Variants in WDR93 observed in about 807,000 individuals in gnomAD.
The protein encoded by WDR93 is WD repeat domain 93.
Under a neutral mutation model 82.9 loss-of-function variants are expected in WDR93, and 73 were observed. The ratio of observed to expected loss-of-function variants is 0.88; its 90% CI spans 0.73 to 1.07. WDR93 has a LOEUF of 1.07. WDR93 is among the 50% of genes least tolerant of loss of function. WDR93 has a pLI of 0.00. For missense variants in WDR93, 738 were observed against 826.0 expected (o/e 0.89, Z 1.31); for synonymous variants, 283 against 300.1 (o/e 0.94, Z 0.59).
At chr15:89,727,066 G>C (rs539860937) in intron 8 of WDR93, 91 bp from the exon 9 acceptor site, 2 of 1,420,542 alleles carry the variant, frequency 1.4e-6, no homozygotes, top group South Asian at 2.6e-5. Context: ...GAGGGATTCT[G>C]CAGGAAGCTG....
chr15:89,701,957 T>C lies in WDR93; in HGVS notation c.211T>C (p.Ser71Pro), dbSNP rs1409459824. 5 of 1,613,954 alleles carry C rather than the reference T, an allele frequency of 3.1e-6. No homozygotes were observed. In the East Asian group the frequency reaches 6.7e-5, roughly 22 times the overall value. ...NKLVNLLFDQ[S>P]WEIIEERNAL... ...GCTGGTGAACCTTCTGTTTGACCAG[T>C]CTTGGGAAATTATTGAAGAGAGAAA... Residue 71 changes from serine to proline, a missense_variant, in exon 2 of 17, where the codon TCT (serine) becomes CCT (proline). Ser to Pro is a moderately conservative substitution (Grantham distance 74). Transcript: ENST00000268130.
intron 4 of WDR93, among the ~76,000 whole-genome samples, chr15:89,710,379 C>T (rs1242746024): frequency 6.6e-6 from 1 of 151,962 alleles, no homozygotes; most frequent in East Asian, 1.9e-4. Context: ...TAAGAACAGG[C>T]GAAATTTATC....
At chr15:89,697,274 T>C (rs1335729168) in intron 1 of WDR93, among the ~76,000 whole-genome samples, 1 of 152,194 alleles carries the variant, frequency 6.6e-6, no homozygotes, top group Non-Finnish European at 1.5e-5. Flanking sequence ...TTTTTTATTT[T>C]AGCCATTCTA....
chr15:89,738,638 A>G (rs939848452), intron 16 of WDR93, among the ~76,000 whole-genome samples: 1 of 151,592 alleles, frequency 6.6e-6, no homozygotes, highest in Non-Finnish European at 1.5e-5. Flanking sequence ...AAAAAAAAAA[A>G]AAAAAAAGAA....
intron 9 of WDR93, among the ~76,000 whole-genome samples, chr15:89,727,679 TAAA>T (rs1966791501): frequency 6.6e-6 from 1 of 152,224 alleles, no homozygotes; most frequent in African/African-American, 2.4e-5. Context: ...ATAATGGAGT[TAAA>T]AGAAGAAATA....
chr15:89,732,961 C>T, intron 12 of WDR93, 45 bp from the exon 13 acceptor site: 2 of 1,593,432 alleles, frequency 1.3e-6, no homozygotes, highest in Non-Finnish European at 1.7e-6. Context: ...ATGGCCTCCT[C>T]CCCTACCCCG....
intron 1 of WDR93, among the ~76,000 whole-genome samples, chr15:89,693,669 C>T (rs1483871552): frequency 6.6e-6 from 1 of 152,178 alleles, no homozygotes; most frequent in Admixed American, 6.6e-5. Context: ...AGGAGCAAGA[C>T]AAGATGGTGG....
intron 2 of WDR93, among the ~76,000 whole-genome samples, 186 bp downstream of exon 2, chr15:89,702,235 T>C (rs1013720803): frequency 6.6e-6 from 1 of 152,000 alleles, no homozygotes; most frequent in Non-Finnish European, 1.5e-5. Context: ...AAATATGGGG[T>C]GTTCTGGTTA....
intron 3 of WDR93, chr15:89,704,206 G>A (rs1347314604): frequency 2.0e-5 from 3 of 151,864 alleles, no homozygotes; most frequent in Non-Finnish European, 4.4e-5. Flanking sequence ...AGGCGTGGTG[G>A]GCACCCAGGT....
intron 8 of WDR93, 60 bp downstream of exon 8, chr15:89,722,199 C>A: frequency 7.9e-7 from 1 of 1,260,112 alleles, no homozygotes; most frequent in South Asian, 1.4e-5. Context: ...TTCTTCCTTT[C>A]CCCATGTCTT....
intron 1 of WDR93, among the ~76,000 whole-genome samples, chr15:89,695,081 A>G (rs11854381): frequency 0.44 from 66,391 of 151,794 alleles, 14,994 homozygotes; most frequent in African/African-American, 0.5. Flanking sequence ...GAATATTGTA[A>G]CTTTGTGATA....
At chr15:89,694,282 G>A (rs1188954470) in intron 1 of WDR93, among the ~76,000 whole-genome samples, 8 of 135,210 alleles carry the variant, frequency 5.9e-5, no homozygotes, top group South Asian at 2.3e-4. Context: ...ATGGAGTCTC[G>A]CTCTGTCGCC....
intron 16 of WDR93, among the ~76,000 whole-genome samples, chr15:89,739,621 G>C (rs1401069941): frequency 1.3e-5 from 2 of 152,142 alleles, no homozygotes; most frequent in Non-Finnish European, 2.9e-5. Flanking sequence ...GATTCCTTTT[G>C]GGATCTGACC....
At position 89,739,247 on chromosome 15, in the gene WDR93, G is replaced by A. The variant is rs571104852; in HGVS notation, c.1961+1011G>A. ...AATAAGGTTTTATTTGAACACAGCC[G>A]TGCCCATTTGTTTATGTATTATCTA... On this transcript the variant is annotated intron_variant, in intron 16 of 16. Coordinates refer to ENST00000268130, the MANE Select transcript of WDR93 (RefSeq NM_020212.2). Among the ~76,000 whole-genome samples, 40 of 152,174 alleles carry A rather than the reference G, an allele frequency of 2.6e-4. No homozygotes were observed. The East Asian group carries it at 3.3e-3, about 12-fold the overall frequency.
intron 7 of WDR93, among the ~76,000 whole-genome samples, chr15:89,719,951 C>T (rs926191107): frequency 4.5e-4 from 69 of 151,884 alleles, no homozygotes; most frequent in African/African-American, 1.6e-3. Context: ...AGGTGCCTGC[C>T]ACCACGCCTG....
At position 89,731,320 on chromosome 15, in the gene WDR93, C is replaced by T. The variant is rs896757737; in HGVS notation, c.1211-123C>T. 13 of 1,434,652 alleles carry T rather than the reference C, an allele frequency of 9.1e-6. No homozygotes were observed. The Admixed American group carries it at 9.7e-5, about 11-fold the overall frequency. The allele number at this position is 1,434,652 out of a possible 1,614,324, so 88.9% of individuals were successfully genotyped here. ...AGAGAAGGATGATGGTGAGTCCAGA[C>T]AGGTGCTCCTGGTTCCCATTCCCTG... On this transcript the variant is annotated intron_variant, in intron 11 of 16. Transcript: ENST00000268130.
intron 11 of WDR93, among the ~76,000 whole-genome samples, chr15:89,730,065 C>T (rs1966846539): frequency 6.6e-6 from 1 of 152,238 alleles, no homozygotes; most frequent in African/African-American, 2.4e-5. Flanking sequence ...TGGCTCACGC[C>T]TATAATCCCA....
intron 7 of WDR93, among the ~76,000 whole-genome samples, chr15:89,718,807 G>T (rs189042853): frequency 4.1e-4 from 63 of 152,204 alleles, no homozygotes; most frequent in Non-Finnish European, 7.4e-4. Flanking sequence ...TAGAGACAGG[G>T]TTTCACTATG....
chr15:89,712,704 C>A (rs990134481), intron 5 of WDR93, among the ~76,000 whole-genome samples: 2 of 152,172 alleles, frequency 1.3e-5, no homozygotes, highest in Non-Finnish European at 2.9e-5. Context: ...ACTGCTAATA[C>A]TAACCTTGAT....
Sources: allele counts gnomAD v4.1 joint callset (sites outside exome capture counted in the v4.1 genomes callset), GRCh38; gene constraint gnomAD v4.1.1; transcripts MANE v1.5; gene names NCBI Gene and HGNC (gene_info 2026-07-23, HGNC 2026-07-21).